Variants in CCDC47 observed in about 807,000 individuals in gnomAD.
The protein encoded by CCDC47 is PAT complex subunit CCDC47.
In CCDC47, 41 loss-of-function variants were observed where a neutral mutation model predicts 60.5. The observed-to-expected ratio is 0.68, with a 90% CI of 0.53 to 0.88. The LOEUF is 0.88. Ranked by LOEUF, CCDC47 falls within the 40% of genes least tolerant of loss-of-function variation. CCDC47 has a pLI of 0.00. For missense variants in CCDC47, 513 were observed against 580.9 expected (o/e 0.88, Z 1.20); for synonymous variants, 195 against 190.7 (o/e 1.02, Z -0.18).
chr17:63,769,811 G>C (rs2039323802), intron 1 of CCDC47, among the ~76,000 whole-genome samples: 1 of 152,122 alleles, frequency 6.6e-6, no homozygotes, highest in African/African-American at 2.4e-5. Context: ...TTACGAATTT[G>C]TGTTAGGCCA....
intron 6 of CCDC47, among the ~76,000 whole-genome samples, chr17:63,760,406 T>C (rs1396705956): frequency 6.6e-5 from 10 of 152,162 alleles, no homozygotes; most frequent in Non-Finnish European, 1.3e-4. Flanking sequence ...AAAAGGCCCA[T>C]GAAGGCCCCC....
chr17:63,757,423 G>C (rs2039216236), intron 6 of CCDC47, among the ~76,000 whole-genome samples: 1 of 149,244 alleles, frequency 6.7e-6, no homozygotes. Context: ...CACCCACAAG[G>C]AACTGAATTC....
intron 4 of CCDC47, chr17:63,762,289 A>T (rs535723750): frequency 1.0e-6 from 1 of 977,058 alleles, no homozygotes; most frequent in South Asian, 4.7e-5. Context: ...AAAGCTGCTC[A>T]TTTATTTTTT....
intron 3 of CCDC47, 105 bp downstream of exon 3, chr17:63,764,635 C>T: frequency 2.1e-6 from 2 of 930,308 alleles, no homozygotes; most frequent in South Asian, 3.9e-5. Flanking sequence ...CTTCTCAGCT[C>T]CCACTATTGC....
rs2039116599 is a variant in CCDC47, at chr17:63,745,858, G to A, written c.*1023C>T. ...CCTCCAAGAGTTGGTTCCGCAAGAG[G>A]TGGAAAGAACTCTCAATAGTTTAGG... is the stretch of plus-strand genomic sequence containing the variant. On this transcript the variant is annotated 3_prime_UTR_variant, in exon 13 of 13. Transcript: ENST00000225726. 1 of 152,220 alleles carries A rather than the reference G, an allele frequency of 6.6e-6. No individual in the cohort carries two copies. The highest frequency in any genetic ancestry group is 1.5e-5 in the Non-Finnish European group (1 of 68,036). The allele number at this position is 152,220 out of a possible 1,614,324, so 9.4% of individuals were successfully genotyped here.
At chr17:63,763,687 G>A (rs2039277006) in intron 4 of CCDC47, among the ~76,000 whole-genome samples, 1 of 148,232 alleles carries the variant, frequency 6.7e-6, no homozygotes, top group African/African-American at 2.4e-5. Flanking sequence ...AGCAGGGCAT[G>A]GTGGTGCACG....
intron 12 of CCDC47, among the ~76,000 whole-genome samples, chr17:63,748,044 G>A (rs945798771): frequency 1.3e-5 from 2 of 148,440 alleles, no homozygotes; most frequent in African/African-American, 5.3e-5. Flanking sequence ...TAGCAGAGAC[G>A]GGGTTTCACC....
chr17:63,768,282 A>G (rs1228941255), intron 1 of CCDC47, among the ~76,000 whole-genome samples: 1 of 152,228 alleles, frequency 6.6e-6, no homozygotes, highest in Non-Finnish European at 1.5e-5. Context: ...ATAAATTTGC[A>G]CAGGAATTCA....
intron 1 of CCDC47, among the ~76,000 whole-genome samples, chr17:63,768,669 G>C (rs942067826): frequency 6.6e-6 from 1 of 152,110 alleles, no homozygotes; most frequent in African/African-American, 2.4e-5. Flanking sequence ...ATTCCAGCCT[G>C]GGTGACAGTG....
chr17:63,750,823 G>A (rs919591154), intron 12 of CCDC47, among the ~76,000 whole-genome samples: 3 of 151,890 alleles, frequency 2.0e-5, no homozygotes. Flanking sequence ...TCCTGACCTT[G>A]TGATCCTCCC....
At chr17:63,750,809 G>A (rs1366804364) in intron 12 of CCDC47, among the ~76,000 whole-genome samples, 6 of 151,536 alleles carry the variant, frequency 4.0e-5, no homozygotes, top group East Asian at 3.9e-4. Flanking sequence ...GGCTGGTCTC[G>A]AACTCCTGAC....
chr17:63,761,796 G>T, intron 4 of CCDC47: 1 of 979,270 alleles, frequency 1.0e-6, no homozygotes, highest in South Asian at 4.7e-5. Flanking sequence ...CTGTCTTATA[G>T]AACTGTTTGG....
At chr17:63,752,173 T>G in intron 11 of CCDC47, 66 bp from the exon 12 acceptor site, 1 of 1,571,618 alleles carries the variant, frequency 6.4e-7, no homozygotes, top group Non-Finnish European at 8.7e-7. Context: ...AAATCCCGTT[T>G]AGCATTCTTT....
rs1226274226 is a variant in CCDC47, at chr17:63,745,386, C to G, written c.*1495G>C. 3 of 152,652 alleles carry G rather than the reference C, an allele frequency of 2.0e-5. No homozygotes were observed. In the East Asian group the frequency reaches 5.8e-4, roughly 29 times the overall value. The allele number at this position is 152,652 out of a possible 1,614,324, so 9.5% of individuals were successfully genotyped here. A position where few individuals can be genotyped will look rare whatever the true frequency, so the allele number is the denominator to read the frequency against. Reference sequence around the variant, plus strand: ...TTACTCAAAAGATAACTAAGACTATCAACTTTGATTTCTAAAATGTAATTT... The same window carrying G: ...TTACTCAAAAGATAACTAAGACTATGAACTTTGATTTCTAAAATGTAATTT... On this transcript the variant is annotated 3_prime_UTR_variant, in exon 13 of 13. Transcript: ENST00000225726.
chr17:63,768,974 C>T (rs1178311969), intron 1 of CCDC47, among the ~76,000 whole-genome samples: 2 of 151,580 alleles, frequency 1.3e-5, no homozygotes, highest in Admixed American at 6.6e-5. Context: ...ATCCCAGCTA[C>T]TTGGGAGGCT....
chr17:63,765,915 G>T lies in CCDC47; in HGVS notation c.261C>A (p.Thr87=), dbSNP rs769789867. ...NQEGDFEDAD[T]QEGDTESEPY... ...AAATTAATAAAAAGAGCCTCACCTGGGTATCTGCATCTTCAAAATCTCCTT... is the reference window on the plus strand; with the variant it reads ...AAATTAATAAAAAGAGCCTCACCTGTGTATCTGCATCTTCAAAATCTCCTT... Residue 87 remains threonine (T), a synonymous_variant, in exon 2 of 13, where the codon ACC becomes ACA. Transcript: ENST00000225726. 1.9e-5 allele frequency: 31 copies of T among 1,609,384 alleles called. No homozygotes were observed. Among genetic ancestry groups the T allele is most frequent in the Non-Finnish European group, 2.5e-5 (30 of 1,177,600 alleles).
intron 9 of CCDC47, chr17:63,753,102 G>A (rs1355959497): frequency 2.8e-6 from 1 of 358,858 alleles, no homozygotes; most frequent in Non-Finnish European, 3.9e-6. Flanking sequence ...ATTTAAGTAT[G>A]AGGCCCATAT....
chr17:63,767,214 T>A (rs1440893264), intron 1 of CCDC47, among the ~76,000 whole-genome samples: 1 of 152,192 alleles, frequency 6.6e-6, no homozygotes, highest in Non-Finnish European at 1.5e-5. Flanking sequence ...ATCTCAAATG[T>A]GGTAGGTGGC....
chr17:63,766,836 A>G (rs900343816), intron 1 of CCDC47: 50 of 978,980 alleles, frequency 5.1e-5, no homozygotes, highest in Non-Finnish European at 6.1e-5. Flanking sequence ...AGAAAATGAG[A>G]AGGAGGTAAA....
Sources: gnomAD v4.1 joint callset for allele counts (sites outside exome capture counted in the v4.1 genomes callset) on GRCh38, gnomAD v4.1.1 for gene constraint, MANE v1.5 for transcripts, NCBI Gene and HGNC (gene_info 2026-07-23, HGNC 2026-07-21) for gene names.